GRM7: variants seen among roughly 807,000 people sequenced by gnomAD.
GRM7 encodes the protein glutamate metabotropic receptor 7.
GRM7 carries 35 observed loss-of-function variants against 84.5 expected under a neutral mutation model. That is an observed-to-expected ratio of 0.41 (90% confidence interval 0.32 to 0.55). GRM7 has a LOEUF of 0.55. GRM7 is among the 20% of genes least tolerant of loss of function. The probability of loss-of-function intolerance (pLI) is 0.19; values close to 1 mark genes in which losing one functional copy is unlikely to be tolerated. For missense variants in GRM7, 1,003 were observed against 1,194.6 expected (o/e 0.84, Z 2.36); for synonymous variants, 487 against 455.1 (o/e 1.07, Z -0.89).
chr3:7,064,178 G>T, intron 1 of GRM7, among the ~76,000 whole-genome samples: 1 of 150,910 alleles, frequency 6.6e-6, no homozygotes. Context: ...AGATTTTGGT[G>T]CACCTATCAC....
intron 2 of GRM7, among the ~76,000 whole-genome samples, chr3:7,197,297 A>C (rs1202939874): frequency 6.6e-6 from 1 of 152,136 alleles, no homozygotes; most frequent in Non-Finnish European, 1.5e-5. Context: ...CCACTTTGAC[A>C]CTCACCAGTT....
At chr3:6,891,903 C>G (rs1432613382) in intron 1 of GRM7, among the ~76,000 whole-genome samples, 1 of 152,136 alleles carries the variant, frequency 6.6e-6, no homozygotes, top group African/African-American at 2.4e-5. Flanking sequence ...TTCACATAGT[C>G]CCATATTTCT....
chr3:6,975,238 G>A (rs1693944591), intron 1 of GRM7, among the ~76,000 whole-genome samples: 1 of 152,134 alleles, frequency 6.6e-6, no homozygotes, highest in Non-Finnish European at 1.5e-5. Context: ...AGAGGAACTT[G>A]GGGTTAAAGA....
intron 1 of GRM7, among the ~76,000 whole-genome samples, chr3:7,076,727 G>T (rs1698095456): frequency 6.6e-6 from 1 of 152,000 alleles, no homozygotes; most frequent in African/African-American, 2.4e-5. Context: ...GAAGCTATTA[G>T]GTAAATATAT....
At chr3:7,305,702 C>A (rs1301583523) in intron 3 of GRM7, among the ~76,000 whole-genome samples, 1 of 151,876 alleles carries the variant, frequency 6.6e-6, no homozygotes, top group Non-Finnish European at 1.5e-5. Flanking sequence ...CCTTTGTCAG[C>A]TTATTCACAA....
intron 8 of GRM7, among the ~76,000 whole-genome samples, chr3:7,597,491 GGCCAT>G (rs1696105016): frequency 6.6e-6 from 1 of 152,114 alleles, no homozygotes; most frequent in Non-Finnish European, 1.5e-5. Context: ...ATTGCCCATG[GGCCAT>G]AGTTTGCTGA....
chr3:6,953,630 C>G (rs963613769), intron 1 of GRM7, among the ~76,000 whole-genome samples: 1 of 152,230 alleles, frequency 6.6e-6, no homozygotes, highest in Non-Finnish European at 1.5e-5. Flanking sequence ...TTTCATAGCA[C>G]AATCCCCACA....
At chr3:6,962,007 A>G (rs967016005) in intron 1 of GRM7, among the ~76,000 whole-genome samples, 9 of 147,988 alleles carry the variant, frequency 6.1e-5, no homozygotes, top group African/African-American at 2.1e-4. Context: ...GAAATAGTCC[A>G]AACTACTTCA....
At chr3:7,074,569 T>G (rs1697997750) in intron 1 of GRM7, among the ~76,000 whole-genome samples, 1 of 152,056 alleles carries the variant, frequency 6.6e-6, no homozygotes, top group Non-Finnish European at 1.5e-5. Flanking sequence ...TGATAGTATT[T>G]TTTTCTGTTG....
intron 1 of GRM7, among the ~76,000 whole-genome samples, chr3:6,867,970 A>G (rs556961154): frequency 5.4e-4 from 83 of 152,348 alleles, no homozygotes; most frequent in African/African-American, 2.0e-3. Context: ...AATCAAATAT[A>G]TGAATTTCAA....
intron 7 of GRM7, among the ~76,000 whole-genome samples, chr3:7,517,389 A>C (rs1379785147): frequency 6.6e-6 from 1 of 151,646 alleles, no homozygotes; most frequent in Non-Finnish European, 1.5e-5. Context: ...TAGTAGTATT[A>C]GTATTATTAG....
At chr3:7,038,419 C>T (rs980799712) in intron 1 of GRM7, among the ~76,000 whole-genome samples, 2 of 152,300 alleles carry the variant, frequency 1.3e-5, no homozygotes, top group Admixed American at 6.5e-5. Context: ...TCTCTTGGTA[C>T]TGAACTCAGG....
intron 2 of GRM7, 125 bp from the exon 3 acceptor site, chr3:7,298,559 T>A: frequency 1.3e-6 from 1 of 751,382 alleles, no homozygotes; most frequent in Non-Finnish European, 2.2e-6. Context: ...TGTCCTCGCT[T>A]AGCAACAGCA....
chr3:7,506,387 T>C (rs2124971495), intron 7 of GRM7, among the ~76,000 whole-genome samples: 1 of 152,314 alleles, frequency 6.6e-6, no homozygotes, highest in African/African-American at 2.4e-5. Context: ...TCACTCTTGA[T>C]GCCCCATTCA....
intron 1 of GRM7, among the ~76,000 whole-genome samples, chr3:6,950,224 A>G (rs1451820277): frequency 1.3e-5 from 2 of 152,080 alleles, no homozygotes; most frequent in South Asian, 4.1e-4. Flanking sequence ...TGATGTACAG[A>G]TGGGCTTTTG....
At chr3:7,657,984 T>C (rs1292785554) in intron 8 of GRM7, among the ~76,000 whole-genome samples, 1 of 152,220 alleles carries the variant, frequency 6.6e-6, no homozygotes, top group Admixed American at 6.5e-5. Flanking sequence ...GTCTCCACTC[T>C]TACTGAATCA....
chr3:7,449,345 C>T (rs886447775), intron 5 of GRM7, among the ~76,000 whole-genome samples: 9 of 151,918 alleles, frequency 5.9e-5, no homozygotes, highest in Admixed American at 1.3e-4. Flanking sequence ...CTTGAGCAAA[C>T]GAAGATACAG....
At chr3:7,441,708 G>A (rs1179969661) in intron 5 of GRM7, among the ~76,000 whole-genome samples, 1 of 152,096 alleles carries the variant, frequency 6.6e-6, no homozygotes, top group Non-Finnish European at 1.5e-5. Context: ...TGGCTAACCA[G>A]TTATCCCAGC....
intron 5 of GRM7, among the ~76,000 whole-genome samples, chr3:7,431,848 T>C (rs1033200259): frequency 6.6e-6 from 1 of 152,190 alleles, no homozygotes; most frequent in Non-Finnish European, 1.5e-5. Flanking sequence ...TGTGGAGCAA[T>C]ATGTAGACTC....
Sources: gnomAD v4.1 joint callset for allele counts (sites outside exome capture counted in the v4.1 genomes callset) on GRCh38, gnomAD v4.1.1 for gene constraint, MANE v1.5 for transcripts, NCBI Gene and HGNC (gene_info 2026-07-23, HGNC 2026-07-21) for gene names.